MECOM: variants seen among roughly 807,000 people sequenced by gnomAD.
MECOM encodes the protein histone-lysine N-methyltransferase MECOM.
Under a neutral mutation model 116.3 loss-of-function variants are expected in MECOM, and 13 were observed. The observed-to-expected ratio is 0.11, with a 90% CI of 0.07 to 0.18. The LOEUF is 0.18. Ranked by LOEUF, MECOM falls within the 10% of genes least tolerant of loss-of-function variation. The pLI is 1.00. For missense variants in MECOM, 1,299 were observed against 1,509.0 expected (o/e 0.86, Z 2.31); for synonymous variants, 528 against 535.2 (o/e 0.99, Z 0.19).
At chr3:169,511,957 T>A (rs190077599) in intron 1 of MECOM, among the ~76,000 whole-genome samples, 4 of 152,306 alleles carry the variant, frequency 2.6e-5, no homozygotes, top group African/African-American at 9.6e-5. Context: ...TAAATGTTCT[T>A]TTCTGGACAC....
chr3:169,192,482 T>C (rs1008219065), intron 2 of MECOM, among the ~76,000 whole-genome samples: 27 of 152,042 alleles, frequency 1.8e-4, no homozygotes, highest in Non-Finnish European at 2.6e-4. Flanking sequence ...TTATGGCAAA[T>C]GTGCTATGTT....
intron 1 of MECOM, chr3:169,470,155 T>G (rs1748966941): frequency 6.6e-6 from 1 of 151,958 alleles, no homozygotes; most frequent in Non-Finnish European, 1.5e-5. Flanking sequence ...AAGCTTGGAG[T>G]TGGAACAATT....
At chr3:169,485,820 T>C (rs1752059502) in intron 1 of MECOM, among the ~76,000 whole-genome samples, 1 of 141,818 alleles carries the variant, frequency 7.1e-6, no homozygotes, top group Non-Finnish European at 1.5e-5. Flanking sequence ...TTCCTCTAAA[T>C]ATATATATGT....
At chr3:169,439,366 T>C (rs1173565105) in intron 1 of MECOM, among the ~76,000 whole-genome samples, 5 of 148,450 alleles carry the variant, frequency 3.4e-5, no homozygotes, top group Non-Finnish European at 5.9e-5. Context: ...ATATAGTTAA[T>C]ATATTATTAA....
At chr3:169,269,239 A>G (rs1030802709) in intron 2 of MECOM, 1 of 152,440 alleles carries the variant, frequency 6.6e-6, no homozygotes, top group Non-Finnish European at 1.5e-5. Flanking sequence ...TGAATGCTCT[A>G]TCTACCCAAA....
intron 2 of MECOM, among the ~76,000 whole-genome samples, chr3:169,312,600 G>A (rs1439483700): frequency 3.3e-5 from 5 of 152,058 alleles, no homozygotes; most frequent in Non-Finnish European, 7.4e-5. Flanking sequence ...GGATGGTCTC[G>A]ATCTCCTGAC....
intron 2 of MECOM, among the ~76,000 whole-genome samples, chr3:169,313,642 A>G (rs1295111405): frequency 1.3e-5 from 2 of 152,170 alleles, no homozygotes; most frequent in Admixed American, 6.5e-5. Context: ...GCATGTAGAT[A>G]TTTTCATCTT....
chr3:169,287,367 G>GT (rs67137109), intron 2 of MECOM, among the ~76,000 whole-genome samples: 2,175 of 151,872 alleles, frequency 0.014, 55 homozygotes, highest in African/African-American at 0.049. Flanking sequence ...AACAAATAAT[G>GT]TTTTTTTTGT....
At chr3:169,250,668 T>C (rs924422698) in intron 2 of MECOM, among the ~76,000 whole-genome samples, 1 of 152,220 alleles carries the variant, frequency 6.6e-6, no homozygotes, top group Non-Finnish European at 1.5e-5. Flanking sequence ...TTCCTAATTA[T>C]TCCTGTGGTT....
intron 1 of MECOM, among the ~76,000 whole-genome samples, chr3:169,549,805 C>A (rs1271389863): frequency 1.3e-5 from 2 of 152,214 alleles, no homozygotes; most frequent in Non-Finnish European, 2.9e-5. Context: ...GTTGCCTTGA[C>A]CCTCATAGGC....
chr3:169,547,037 G>C (rs1304708700), intron 1 of MECOM, among the ~76,000 whole-genome samples: 1 of 152,204 alleles, frequency 6.6e-6, no homozygotes, highest in Admixed American at 6.5e-5. Flanking sequence ...AGATGGTCAT[G>C]CTACCTGATA....
chr3:169,270,506 TA>T (rs1317925841), intron 2 of MECOM, among the ~76,000 whole-genome samples: 1 of 152,088 alleles, frequency 6.6e-6, no homozygotes, highest in East Asian at 1.9e-4. Context: ...GCAGGTAAAA[TA>T]CACTTATATC....
intron 1 of MECOM, among the ~76,000 whole-genome samples, chr3:169,583,350 G>A (rs1765345339): frequency 6.6e-6 from 1 of 152,078 alleles, no homozygotes; most frequent in Non-Finnish European, 1.5e-5. Flanking sequence ...AACATGCATA[G>A]ACTCCATAAA....
Position 169,252,206 on chromosome 3 carries a change from T to G in MECOM, c.376-108374A>C, listed in dbSNP as rs575667423. Among the ~76,000 whole-genome samples, 45 of 152,276 alleles carry G rather than the reference T, an allele frequency of 3.0e-4. No individual in the cohort carries two copies. In the Middle Eastern group the frequency reaches 0.014, roughly 46 times the overall value. ...ATATCAATACATGCAGCAACTTTAA[T>G]GTAAAGTTATTTATTTATATATACT... On this transcript the variant is annotated intron_variant, in intron 2 of 16. Transcript: ENST00000651503.
At chr3:169,663,024 C>A (rs1184995815) in intron 1 of MECOM, among the ~76,000 whole-genome samples, 1 of 139,574 alleles carries the variant, frequency 7.2e-6, no homozygotes, top group Non-Finnish European at 1.6e-5. Context: ...CTCACTCTCG[C>A]GCTCTCTCCT....
intron 1 of MECOM, among the ~76,000 whole-genome samples, chr3:169,526,787 A>G (rs1758015159): frequency 2.0e-5 from 3 of 152,052 alleles, no homozygotes; most frequent in African/African-American, 7.2e-5. Context: ...ATTTTGACTT[A>G]TATTTACCCA....
chr3:169,318,595 G>A lies in MECOM; in HGVS notation c.375+62592C>T, dbSNP rs1478364032. ...ACCATCTCATGCCAGTTAGAATGGCGATCATTAAGAAGTCAGGAAACGACA... is the reference window on the plus strand; with the variant it reads ...ACCATCTCATGCCAGTTAGAATGGCAATCATTAAGAAGTCAGGAAACGACA... On this transcript the variant is annotated intron_variant, in intron 2 of 16. Transcript: ENST00000651503. 1.4e-4 allele frequency among the ~76,000 whole-genome samples: 21 copies of A among 152,084 alleles called. 1 individual carries two copies. Among genetic ancestry groups the A allele is most frequent in the African/African-American group, 2.4e-5 (1 of 41,400 alleles).
intron 2 of MECOM, among the ~76,000 whole-genome samples, chr3:169,318,991 C>G (rs533887179): frequency 6.6e-6 from 1 of 151,378 alleles, no homozygotes. Context: ...CCCAGCTACT[C>G]GGGAGGTGAG....
At chr3:169,497,594 G>A (rs1753983030) in intron 1 of MECOM, among the ~76,000 whole-genome samples, 1 of 152,088 alleles carries the variant, frequency 6.6e-6, no homozygotes, top group East Asian at 1.9e-4. Flanking sequence ...CTGACCTCAG[G>A]TGATCCACCC....
Sources: gnomAD v4.1 joint callset for allele counts (sites outside exome capture counted in the v4.1 genomes callset) on GRCh38, gnomAD v4.1.1 for gene constraint, MANE v1.5 for transcripts, NCBI Gene and HGNC (gene_info 2026-07-23, HGNC 2026-07-21) for gene names.